PDZD2: variants seen among roughly 807,000 people sequenced by gnomAD.
PDZD2 encodes PDZ domain containing 2.
In PDZD2, 90 loss-of-function variants were observed where a neutral mutation model predicts 220.7. The observed-to-expected ratio is 0.41, with a 90% CI of 0.34 to 0.49. The LOEUF (loss-of-function observed/expected upper bound fraction) is 0.49, where lower values mean the gene tolerates loss of function less well. Ranked by LOEUF, PDZD2 falls within the 20% of genes least tolerant of loss-of-function variation. PDZD2 has a pLI of 0.28. For missense variants in PDZD2, 3,174 were observed against 3,608.5 expected (o/e 0.88, Z 3.08); for synonymous variants, 1,375 against 1,450.5 (o/e 0.95, Z 1.18).
intron 1 of PDZD2, among the ~76,000 whole-genome samples, chr5:31,661,792 T>TTTC (rs1417241758): frequency 1.3e-5 from 2 of 150,738 alleles, no homozygotes; most frequent in Non-Finnish European, 3.0e-5. Flanking sequence ...TTGGTTTTTT[T>TTTC]TTTTTTTCTT....
At chr5:31,691,718 A>G (rs1196104141) in intron 1 of PDZD2, among the ~76,000 whole-genome samples, 2 of 152,166 alleles carry the variant, frequency 1.3e-5, no homozygotes, top group Non-Finnish European at 2.9e-5. Context: ...TCCCCATCAG[A>G]TTAGCTAGAT....
intron 2 of PDZD2, among the ~76,000 whole-genome samples, chr5:31,876,550 C>T (rs958059102): frequency 3.3e-5 from 5 of 152,136 alleles, no homozygotes; most frequent in Admixed American, 6.6e-5. Context: ...ACCTCGGCTT[C>T]CCCAGTGCTG....
intron 5 of PDZD2, among the ~76,000 whole-genome samples, chr5:32,010,084 C>CAAAAAAA (rs57019948): frequency 7.6e-6 from 1 of 131,994 alleles, no homozygotes; most frequent in Non-Finnish European, 1.6e-5. Context: ...AAGACTGTCT[C>CAAAAAAA]AAAAAAAAGA....
chr5:31,775,132 C>T (rs139311410), intron 1 of PDZD2, among the ~76,000 whole-genome samples: 22 of 152,320 alleles, frequency 1.4e-4, no homozygotes, highest in African/African-American at 5.1e-4. Flanking sequence ...ATAGTACAAA[C>T]GTCTTCATGC....
Position 32,074,577 on chromosome 5 carries a change from G to T in PDZD2, c.3471G>T (p.Ser1157=). The change falls in exon 18 of 25, where the codon TCG becomes TCT. Residue 1157 remains serine, a synonymous_variant. Transcript: ENST00000438447. ...GRANDPCDLD[S]RVQATSVKVT... is the part of the protein sequence containing the mutation. ...CCAATGATCCATGCGATCTGGACTC[G>T]AGAGTCCAGGCCACTTCTGTCAAAG... The T allele has an allele frequency of 1.9e-6, 3 of 1,613,472 alleles. No homozygotes were observed. Among genetic ancestry groups the T allele is most frequent in the South Asian group, 1.1e-5 (1 of 91,060 alleles).
chr5:31,648,991 T>C (rs935644182), intron 1 of PDZD2, among the ~76,000 whole-genome samples: 26 of 152,136 alleles, frequency 1.7e-4, no homozygotes, highest in African/African-American at 6.3e-4. Flanking sequence ...CCTAAAAATC[T>C]TCTGTGCTCT....
At chr5:31,858,339 AT>A (rs761363250) in intron 2 of PDZD2, among the ~76,000 whole-genome samples, 3 of 152,130 alleles carry the variant, frequency 2.0e-5, no homozygotes, top group Non-Finnish European at 2.9e-5. Context: ...GGAGACCCGC[AT>A]GGATTGACTC....
At chr5:31,821,481 A>G (rs539919670) in intron 2 of PDZD2, among the ~76,000 whole-genome samples, 97 of 152,112 alleles carry the variant, frequency 6.4e-4, no homozygotes, top group South Asian at 8.3e-4. Flanking sequence ...CCCAGGTTCA[A>G]GTGATTTTCC....
chr5:31,870,336 C>T (rs1385538474), intron 2 of PDZD2, among the ~76,000 whole-genome samples: 1 of 152,194 alleles, frequency 6.6e-6, no homozygotes, highest in Non-Finnish European at 1.5e-5. Flanking sequence ...ATTTAAGTCT[C>T]TATAAATTTT....
At chr5:31,782,284 A>G (rs374303735) in intron 1 of PDZD2, among the ~76,000 whole-genome samples, 6 of 152,246 alleles carry the variant, frequency 3.9e-5, no homozygotes, top group East Asian at 1.9e-4. Flanking sequence ...TACATGGGAC[A>G]TACCTACATT....
At chr5:31,685,110 G>A (rs1188537023) in intron 1 of PDZD2, among the ~76,000 whole-genome samples, 1 of 151,992 alleles carries the variant, frequency 6.6e-6, no homozygotes, top group Non-Finnish European at 1.5e-5. Context: ...TTTCATTATT[G>A]TAGCTTTATA....
intron 2 of PDZD2, among the ~76,000 whole-genome samples, chr5:31,907,781 A>T (rs7712010): frequency 1.3e-5 from 2 of 151,978 alleles, no homozygotes; most frequent in Non-Finnish European, 2.9e-5. Context: ...AATTAAATGA[A>T]GGCATAAGAA....
rs1190842617 is a variant in PDZD2 at position 32,109,536 on chromosome 5, C to CAA, written c.*1403_*1404dup. On this transcript the variant is annotated 3_prime_UTR_variant, in exon 25 of 25. Coordinates refer to ENST00000438447, the MANE Select transcript of PDZD2 (RefSeq NM_178140.4). ...CCTTATTTTCTTAGGTAAATAATTC[C>CAA]AAACTCTCATCGGGTCATAAAGAGG... The CAA allele has an allele frequency of 1.3e-5, 2 of 152,056 alleles. No homozygotes were observed. Among genetic ancestry groups the CAA allele is most frequent in the East Asian group, 3.9e-4 (2 of 5,192 alleles). The allele number at this position is 152,056 out of a possible 1,614,324, so 9.4% of individuals were successfully genotyped here.
intron 1 of PDZD2, among the ~76,000 whole-genome samples, chr5:31,648,685 T>C (rs1395055755): frequency 1.3e-5 from 2 of 151,736 alleles, no homozygotes; most frequent in Non-Finnish European, 2.9e-5. Flanking sequence ...CTTTTTTTTT[T>C]TTAATATAGC....
chr5:31,930,199 T>C (rs74822594), intron 2 of PDZD2, among the ~76,000 whole-genome samples: 2 of 13,290 alleles, frequency 1.5e-4, no homozygotes, highest in African/African-American at 7.0e-4. Flanking sequence ...AGGTATTCTT[T>C]TTTTTTTTTT....
At chr5:31,659,768 G>T (rs1745691187) in intron 1 of PDZD2, among the ~76,000 whole-genome samples, 1 of 152,200 alleles carries the variant, frequency 6.6e-6, no homozygotes, top group African/African-American at 2.4e-5. Flanking sequence ...TCTATCTGTT[G>T]TACCTGTCTC....
chr5:31,940,014 T>G (rs541885985), intron 2 of PDZD2, among the ~76,000 whole-genome samples: 23 of 152,340 alleles, frequency 1.5e-4, no homozygotes, highest in Admixed American at 1.3e-4. Flanking sequence ...AGAGGATTCC[T>G]TTCTGTGGCT....
At chr5:31,947,447 A>G (rs543727729) in intron 2 of PDZD2, among the ~76,000 whole-genome samples, 1 of 152,290 alleles carries the variant, frequency 6.6e-6, no homozygotes, top group Admixed American at 6.5e-5. Context: ...CTCTTCAGTA[A>G]ACCATTTCAT....
chr5:32,027,850 G>A (rs1331810995), intron 6 of PDZD2, among the ~76,000 whole-genome samples: 7 of 151,992 alleles, frequency 4.6e-5, no homozygotes, highest in African/African-American at 7.3e-5. Context: ...GTTCTCCTTC[G>A]GTCACTCAAA....
Sources: allele counts gnomAD v4.1 joint callset (sites outside exome capture counted in the v4.1 genomes callset), GRCh38; gene constraint gnomAD v4.1.1; transcripts MANE v1.5; gene names NCBI Gene and HGNC (gene_info 2026-07-23, HGNC 2026-07-21).